SLC38A9: variants seen among roughly 807,000 people sequenced by gnomAD.
SLC38A9 encodes the protein solute carrier family 38 member 9, also known as neutral amino acid transporter 9.
In SLC38A9, 48 loss-of-function variants were observed where a neutral mutation model predicts 62.3. The ratio of observed to expected loss-of-function variants is 0.77; its 90% CI spans 0.61 to 0.98. The LOEUF (loss-of-function observed/expected upper bound fraction) is 0.98. Among genes scored for constraint, SLC38A9 ranks in the 50% least tolerant of loss-of-function variants. The probability of loss-of-function intolerance (pLI) is 0.00; values close to 1 mark genes in which losing one functional copy is unlikely to be tolerated. For synonymous variants in SLC38A9, 204 were observed against 227.7 expected (o/e 0.90, Z 0.94); for missense variants, 541 against 679.8 (o/e 0.80, Z 2.27).
At chr5:55,695,145 A>C (rs6450342) in intron 3 of SLC38A9, among the ~76,000 whole-genome samples, 90,609 of 151,378 alleles carry the variant, frequency 0.6, 27,663 homozygotes, top group South Asian at 0.7. Flanking sequence ...TTAGTGTTAA[A>C]TTTTTTTAAT....
intron 12 of SLC38A9, among the ~76,000 whole-genome samples, chr5:55,641,843 G>T (rs1401582228): frequency 1.3e-5 from 2 of 152,216 alleles, no homozygotes; most frequent in Non-Finnish European, 2.9e-5. Context: ...GTAGTGCTTT[G>T]TGAAGTGAGG....
intron 3 of SLC38A9, among the ~76,000 whole-genome samples, chr5:55,689,511 T>C (rs555912214): frequency 6.6e-6 from 1 of 152,374 alleles, no homozygotes; most frequent in African/African-American, 2.4e-5. Flanking sequence ...ATACTTGCAA[T>C]TGGTTTTACT....
intron 12 of SLC38A9, among the ~76,000 whole-genome samples, chr5:55,636,201 G>C (rs1038956355): frequency 2.6e-5 from 4 of 152,136 alleles, no homozygotes; most frequent in Non-Finnish European, 5.9e-5. Flanking sequence ...TTAAAGACAA[G>C]CTTAATAAAT....
At chr5:55,711,543 C>T (rs948552542) in intron 1 of SLC38A9, 44 bp from the exon 2 acceptor site, 3 of 152,130 alleles carry the variant, frequency 2.0e-5, no homozygotes, top group Non-Finnish European at 4.4e-5. Context: ...CTCTCAAACC[C>T]CTCTTCCAGC....
intron 3 of SLC38A9, among the ~76,000 whole-genome samples, chr5:55,682,340 C>T (rs1458322763): frequency 1.3e-5 from 2 of 152,164 alleles, no homozygotes. Flanking sequence ...CTTCCCAAGG[C>T]ACCTGGTCAT....
intron 13 of SLC38A9, 27 bp downstream of exon 13, chr5:55,635,515 TCA>T: frequency 6.8e-7 from 1 of 1,460,086 alleles, no homozygotes; most frequent in South Asian, 1.1e-5. Context: ...GTGTACACAA[TCA>T]CACAGAGAGG....
At chr5:55,628,491 G>GA (rs927992138) in intron 14 of SLC38A9, among the ~76,000 whole-genome samples, 10 of 150,700 alleles carry the variant, frequency 6.6e-5, no homozygotes, top group Admixed American at 3.3e-4. Context: ...AAAACATTTG[G>GA]AAAAAAAAAT....
intron 12 of SLC38A9, among the ~76,000 whole-genome samples, chr5:55,639,130 A>G (rs73123890): frequency 0.049 from 7,430 of 152,186 alleles, 309 homozygotes; most frequent in African/African-American, 0.11. Flanking sequence ...AAAAGTAGCC[A>G]GACGTGGTGG....
intron 3 of SLC38A9, among the ~76,000 whole-genome samples, chr5:55,679,955 A>T (rs1016297388): frequency 3.9e-5 from 6 of 152,260 alleles, no homozygotes; most frequent in African/African-American, 1.4e-4. Flanking sequence ...TTAACTTAAT[A>T]TTTTGAAATA....
At chr5:55,694,209 A>C (rs1439392682) in intron 3 of SLC38A9, 3 of 219,050 alleles carry the variant, frequency 1.4e-5, no homozygotes, top group East Asian at 2.5e-4. Context: ...CCCTGTCTCA[A>C]AAAAAAAAAA....
chr5:55,641,857 A>G (rs1159456764), intron 12 of SLC38A9, among the ~76,000 whole-genome samples: 1 of 152,250 alleles, frequency 6.6e-6, no homozygotes, highest in Non-Finnish European at 1.5e-5. Context: ...AGTGAGGGCT[A>G]GCAGCTACTA....
intron 4 of SLC38A9, among the ~76,000 whole-genome samples, chr5:55,671,219 T>C (rs965223911): frequency 2.6e-5 from 4 of 152,046 alleles, no homozygotes; most frequent in African/African-American, 9.7e-5. Flanking sequence ...AAAATAGTAA[T>C]AGAGATTTTT....
chr5:55,653,663 T>C (rs1266132496), intron 9 of SLC38A9, among the ~76,000 whole-genome samples: 1 of 151,888 alleles, frequency 6.6e-6, no homozygotes, highest in Non-Finnish European at 1.5e-5. Context: ...AATGTATGTT[T>C]CTTTTTTTTT....
At chr5:55,671,217 A>C (rs1751265568) in intron 4 of SLC38A9, among the ~76,000 whole-genome samples, 1 of 152,086 alleles carries the variant, frequency 6.6e-6, no homozygotes, top group Admixed American at 6.5e-5. Context: ...CTAAAATAGT[A>C]ATAGAGATTT....
chr5:55,645,012 C>A (rs745382290), intron 12 of SLC38A9, among the ~76,000 whole-genome samples: 1 of 152,102 alleles, frequency 6.6e-6, no homozygotes, highest in Non-Finnish European at 1.5e-5. Flanking sequence ...ACGGTGATTT[C>A]CAATTTCATC....
At chr5:55,659,805 G>A (rs1405394389) in intron 8 of SLC38A9, among the ~76,000 whole-genome samples, 3 of 151,470 alleles carry the variant, frequency 2.0e-5, no homozygotes, top group East Asian at 2.0e-4. Context: ...TAGCTCTGTT[G>A]CCCAGGCTGG....
intron 7 of SLC38A9, 135 bp downstream of exon 7, chr5:55,669,093 A>G: frequency 1.9e-6 from 1 of 536,194 alleles, no homozygotes; most frequent in Admixed American, 3.0e-5. Flanking sequence ...GCTGAAAGCG[A>G]TGAATTACAG....
In SLC38A9 at chr5:55,682,652, G is replaced by A. The variant is rs188817314; in HGVS notation, c.114-9957C>T. ...CAGCCAGGCATCCTGACATGCACTTGTACTCTCAGCCTCCAGGGAGGCTGA... is the reference window on the plus strand; with the variant it reads ...CAGCCAGGCATCCTGACATGCACTTATACTCTCAGCCTCCAGGGAGGCTGA... On this transcript the variant is annotated intron_variant, in intron 3 of 15. Transcript: ENST00000396865. Among the ~76,000 whole-genome samples the A allele has an allele frequency of 9.9e-5, 15 of 152,268 alleles. No individual in the cohort carries two copies. In the East Asian group the frequency reaches 2.5e-3, roughly 25 times the overall value.
At chr5:55,627,775 G>A in intron 15 of SLC38A9, 116 bp downstream of exon 15, 2 of 621,114 alleles carry the variant, frequency 3.2e-6, no homozygotes, top group South Asian at 2.5e-5. Flanking sequence ...AATATTACTA[G>A]TTTTAAATAC....
Sources: gnomAD v4.1 joint callset for allele counts (sites outside exome capture counted in the v4.1 genomes callset) on GRCh38, gnomAD v4.1.1 for gene constraint, MANE v1.5 for transcripts, NCBI Gene and HGNC (gene_info 2026-07-23, HGNC 2026-07-21) for gene names.